DCLK1: variants seen among roughly 807,000 people sequenced by gnomAD.
DCLK1 encodes the protein serine/threonine-protein kinase DCLK1.
DCLK1 carries 16 observed loss-of-function variants against 86.2 expected under a neutral mutation model. The observed-to-expected ratio is 0.19, with a 90% CI of 0.13 to 0.28. The LOEUF (loss-of-function observed/expected upper bound fraction) is 0.28. DCLK1 is among the 10% of genes least tolerant of loss of function. The pLI, the probability that DCLK1 is intolerant of heterozygous loss-of-function variation, is 1.00. For synonymous variants in DCLK1, 369 were observed against 370.5 expected (o/e 1.00, Z 0.05); for missense variants, 590 against 940.2 (o/e 0.63, Z 4.87).
intron 4 of DCLK1, among the ~76,000 whole-genome samples, chr13:35,898,387 C>G (rs1346727841): frequency 6.6e-6 from 1 of 152,184 alleles, no homozygotes; most frequent in Non-Finnish European, 1.5e-5. Context: ...TGAAGTCTTG[C>G]AAGTATGCAT....
chr13:36,111,267 TC>T (rs1885609233), intron 3 of DCLK1, among the ~76,000 whole-genome samples: 2 of 152,148 alleles, frequency 1.3e-5, no homozygotes, highest in Non-Finnish European at 1.5e-5. Flanking sequence ...TGACCACCCA[TC>T]CAAGTCAACT....
intron 2 of DCLK1, among the ~76,000 whole-genome samples, chr13:36,119,752 T>C (rs79599970): frequency 0.016 from 2,377 of 152,284 alleles, 21 homozygotes; most frequent in Non-Finnish European, 0.026. Flanking sequence ...AGAACCGTCA[T>C]AGCTTCAAGG....
intron 3 of DCLK1, among the ~76,000 whole-genome samples, chr13:35,979,487 C>T (rs1312666547): frequency 6.6e-6 from 1 of 152,202 alleles, no homozygotes; most frequent in Non-Finnish European, 1.5e-5. Context: ...TGTCCCAGAG[C>T]TATCCTTTCC....
At chr13:35,850,778 T>C (rs776634718) in intron 6 of DCLK1, 33 of 1,594,486 alleles carry the variant, frequency 2.1e-5, no homozygotes, top group Middle Eastern at 3.3e-4. Context: ...GTACAGGTCC[T>C]GCAAGATGAA....
At chr13:35,846,685 C>G in intron 6 of DCLK1, 1 of 985,238 alleles carries the variant, frequency 1.0e-6, no homozygotes, top group Non-Finnish European at 1.2e-6. Context: ...TCACACTATG[C>G]CTCTGTGCAA....
chr13:36,043,637 G>A (rs761002261), intron 3 of DCLK1, among the ~76,000 whole-genome samples: 2 of 151,932 alleles, frequency 1.3e-5, no homozygotes, highest in East Asian at 1.9e-4. Context: ...TAGATCCTAC[G>A]GGATGCCAGA....
chr13:36,078,014 G>A (rs1176843562), intron 3 of DCLK1, among the ~76,000 whole-genome samples: 2 of 152,254 alleles, frequency 1.3e-5, no homozygotes, highest in East Asian at 3.9e-4. Flanking sequence ...AAATTTGTAT[G>A]TTAAAATCTA....
At chr13:36,071,693 G>A (rs762765333) in intron 3 of DCLK1, among the ~76,000 whole-genome samples, 63 of 152,220 alleles carry the variant, frequency 4.1e-4, no homozygotes, top group Non-Finnish European at 6.8e-4. Flanking sequence ...TACAAATTAG[G>A]CAACCAAGGC....
chr13:35,842,263 T>C (rs1336999050), intron 6 of DCLK1, among the ~76,000 whole-genome samples: 1 of 149,432 alleles, frequency 6.7e-6, no homozygotes, highest in Non-Finnish European at 1.5e-5. Flanking sequence ...AAAGAAGTTC[T>C]TCTGTAAGTT....
intron 4 of DCLK1, among the ~76,000 whole-genome samples, chr13:35,934,792 T>G (rs897934523): frequency 2.0e-5 from 3 of 152,208 alleles, no homozygotes; most frequent in Non-Finnish European, 4.4e-5. Context: ...ACAGCGACCT[T>G]GGGCAGTTTC....
chr13:36,018,413 T>C (rs1320029015), intron 3 of DCLK1, among the ~76,000 whole-genome samples: 5 of 152,220 alleles, frequency 3.3e-5, no homozygotes, highest in African/African-American at 9.6e-5. Flanking sequence ...TTAATAATTA[T>C]TTTAAGCATT....
chr13:36,074,514 A>C (rs1884107899), intron 3 of DCLK1, among the ~76,000 whole-genome samples: 1 of 114,884 alleles, frequency 8.7e-6, no homozygotes, highest in East Asian at 2.4e-4. Context: ...AAAAAAAAAA[A>C]AAACAGAGAA....
At chr13:35,855,357 A>G (rs1463929821) in intron 5 of DCLK1, among the ~76,000 whole-genome samples, 1 of 152,256 alleles carries the variant, frequency 6.6e-6, no homozygotes, top group Non-Finnish European at 1.5e-5. Flanking sequence ...ACATGGTTTT[A>G]TAAAGATGTA....
chr13:35,818,401 C>T (rs976210718), intron 11 of DCLK1, among the ~76,000 whole-genome samples: 3 of 152,214 alleles, frequency 2.0e-5, no homozygotes, highest in Non-Finnish European at 4.4e-5. Flanking sequence ...ATATAATCCA[C>T]TGCGTGAAAA....
At chr13:36,054,078 G>C (rs1004955272) in intron 3 of DCLK1, among the ~76,000 whole-genome samples, 1 of 152,156 alleles carries the variant, frequency 6.6e-6, no homozygotes, top group Non-Finnish European at 1.5e-5. Context: ...TTTGTGGGTC[G>C]AGCAAACAGC....
At chr13:36,005,034 C>G (rs1460112812) in intron 3 of DCLK1, among the ~76,000 whole-genome samples, 1 of 151,994 alleles carries the variant, frequency 6.6e-6, no homozygotes, top group African/African-American at 2.4e-5. Context: ...TAGCATGAAA[C>G]TAATACAAAG....
At chr13:36,056,559 A>G (rs1267383900) in intron 3 of DCLK1, among the ~76,000 whole-genome samples, 1 of 140,668 alleles carries the variant, frequency 7.1e-6, no homozygotes, top group Admixed American at 7.2e-5. Context: ...TGGCACATGT[A>G]TACATATGTA....
chr13:36,031,572 C>T (rs574068606), intron 3 of DCLK1, among the ~76,000 whole-genome samples: 5 of 152,190 alleles, frequency 3.3e-5, no homozygotes, highest in East Asian at 3.9e-4. Context: ...CCTGGTAATA[C>T]GTTTGACAAT....
intron 6 of DCLK1, chr13:35,846,579 T>C: frequency 3.0e-6 from 3 of 985,350 alleles, no homozygotes; most frequent in Non-Finnish European, 3.6e-6. Context: ...TTTTTCCACA[T>C]GCATAACAGG....
Sources: allele counts gnomAD v4.1 joint callset (sites outside exome capture counted in the v4.1 genomes callset), GRCh38; gene constraint gnomAD v4.1.1; transcripts MANE v1.5; gene names NCBI Gene and HGNC (gene_info 2026-07-23, HGNC 2026-07-21).